ZNF536: variants seen among roughly 807,000 people sequenced by gnomAD.
The protein encoded by ZNF536 is zinc finger protein 536.
In ZNF536, 13 loss-of-function variants were observed where a neutral mutation model predicts 84.5. That is an observed-to-expected ratio of 0.15 (90% CI 0.10 to 0.24). ZNF536 has a LOEUF of 0.24. ZNF536 is among the 10% of genes least tolerant of loss of function. ZNF536 has a pLI of 1.00. For missense variants in ZNF536, 1,536 were observed against 1,747.5 expected, an observed-to-expected ratio of 0.88 and a Z score of 2.16; for synonymous variants, 811 against 742.5, an observed-to-expected ratio of 1.09 and a Z score of -1.50.
chr19:30,509,730 T>C (rs1599636115), intron 2 of ZNF536, among the ~76,000 whole-genome samples: 2 of 152,290 alleles, frequency 1.3e-5, no homozygotes, highest in Non-Finnish European at 2.9e-5. Context: ...CCACAATCAG[T>C]ACACTTTTCT....
intron 1 of ZNF536, among the ~76,000 whole-genome samples, chr19:30,610,405 C>A (rs2048063720): frequency 6.6e-6 from 1 of 152,098 alleles, no homozygotes; most frequent in Non-Finnish European, 1.5e-5. Flanking sequence ...TACTTCAGAT[C>A]CCCCTTGGTG....
chr19:30,485,841 T>C (rs1477198519), intron 2 of ZNF536, among the ~76,000 whole-genome samples: 2 of 152,230 alleles, frequency 1.3e-5, no homozygotes. Context: ...GTTTTTTTCT[T>C]AATTTGGGAT....
chr19:30,290,333 A>G (rs535698470), intron 2 of ZNF536, among the ~76,000 whole-genome samples: 24 of 152,268 alleles, frequency 1.6e-4, no homozygotes, highest in Admixed American at 1.4e-3. Context: ...GCTGGAGTGC[A>G]GTGGCATGAT....
At chr19:30,648,643 C>T (rs957148505) in intron 1 of ZNF536, among the ~76,000 whole-genome samples, 1 of 152,200 alleles carries the variant, frequency 6.6e-6, no homozygotes, top group Non-Finnish European at 1.5e-5. Context: ...AGGCAAGCAG[C>T]CTGTGCTGTT....
At chr19:30,582,527 A>T (rs964574254) in intron 1 of ZNF536, among the ~76,000 whole-genome samples, 3 of 151,868 alleles carry the variant, frequency 2.0e-5, no homozygotes, top group African/African-American at 7.3e-5. Context: ...AGTACCTGGG[A>T]CTACAGGTGC....
chr19:30,527,219 C>CTTTT (rs56404227), intron 2 of ZNF536, among the ~76,000 whole-genome samples: 1,120 of 106,064 alleles, frequency 0.011, 32 homozygotes, highest in South Asian at 0.023. Context: ...ACCCAGCCTC[C>CTTTT]TTTTTTTTTT....
At position 30,359,609 on chromosome 19, in the gene ZNF536, G is replaced by T. The variant is rs539673343; in HGVS notation, c.-3+7125G>T. On this transcript the variant is annotated intron_variant, in intron 3 of 5. Transcript: ENST00000585628. ...TGTCTCCCCGGCACCTGAGTTACAG[G>T]GTGCCCACCCATCCTATCAATGTCG... Among the ~76,000 whole-genome samples the T allele has an allele frequency of 3.6e-3, 555 of 152,238 alleles. 5 individuals carry two copies. The highest frequency in any genetic ancestry group is 0.01 in the Middle Eastern group (3 of 294).
intron 2 of ZNF536, among the ~76,000 whole-genome samples, chr19:30,455,523 G>A (rs141077063): frequency 0.013 from 2,040 of 152,046 alleles, 16 homozygotes; most frequent in African/African-American, 0.017. Context: ...GCAATATAGC[G>A]AAACCCTGTC....
chr19:30,422,573 C>T (rs746958030), intron 1 of ZNF536, among the ~76,000 whole-genome samples: 11 of 152,104 alleles, frequency 7.2e-5, no homozygotes, highest in Non-Finnish European at 1.5e-4. Flanking sequence ...AGGTCTTGAC[C>T]CTCTTCCTTT....
intron 2 of ZNF536, among the ~76,000 whole-genome samples, chr19:30,305,038 G>A (rs1024396924): frequency 6.6e-6 from 1 of 152,232 alleles, no homozygotes; most frequent in African/African-American, 2.4e-5. Flanking sequence ...GCCCAAGGGA[G>A]TAGCCCAGAG....
intron 2 of ZNF536, among the ~76,000 whole-genome samples, chr19:30,489,022 T>C (rs566514160): frequency 2.2e-4 from 33 of 152,276 alleles, no homozygotes; most frequent in African/African-American, 7.9e-4. Flanking sequence ...CGTTATATAC[T>C]GGCCTGCCCA....
intron 2 of ZNF536, among the ~76,000 whole-genome samples, chr19:30,328,910 CA>C (rs1345233475): frequency 6.6e-6 from 1 of 152,220 alleles, no homozygotes; most frequent in Non-Finnish European, 1.5e-5. Context: ...TTCTCTCTCT[CA>C]CTTTTCTACT....
intron 4 of ZNF536, among the ~76,000 whole-genome samples, chr19:30,553,487 G>A (rs2045856228): frequency 6.6e-6 from 1 of 152,240 alleles, no homozygotes; most frequent in Non-Finnish European, 1.5e-5. Context: ...GTTGTTGTGT[G>A]CCAGGTCTCC....
Position 30,277,731 on chromosome 19 carries a change from C to T in ZNF536, c.-189-6341C>T, listed in dbSNP as rs141849578. On this transcript the variant is annotated intron_variant, in intron 1 of 5. Transcript: ENST00000585628. ...TGCGGAGGCCTGATGGCAGCGTGTC[C>T]GTTGTGGGACCCTGTGGAGTGGGCT... Among the ~76,000 whole-genome samples, 988 of 152,286 alleles carry T rather than the reference C, an allele frequency of 6.5e-3. 12 individuals carry two copies. Among genetic ancestry groups the T allele is most frequent in the African/African-American group, 0.023 (947 of 41,568 alleles).
At chr19:30,423,782 G>A (rs2147881888) in intron 1 of ZNF536, among the ~76,000 whole-genome samples, 1 of 152,076 alleles carries the variant, frequency 6.6e-6, no homozygotes, top group East Asian at 1.9e-4. Context: ...GGCTGGCAGT[G>A]ACAGCAGCTG....
At chr19:30,391,705 AAG>A (rs3974336) in intron 1 of ZNF536, among the ~76,000 whole-genome samples, 55,538 of 151,986 alleles carry the variant, frequency 0.37, 10,483 homozygotes, top group Middle Eastern at 0.54. Flanking sequence ...GACCAAGAGA[AAG>A]AGAGAAAAAG....
intron 3 of ZNF536, among the ~76,000 whole-genome samples, chr19:30,541,989 T>C (rs188947750): frequency 4.2e-4 from 64 of 152,298 alleles, no homozygotes; most frequent in Non-Finnish European, 8.8e-4. Flanking sequence ...TCTCCTGGTG[T>C]TAACTAAGTG....
rs1028706517 is a variant in ZNF536, at chr19:30,265,660, A to G, written c.-189-18412A>G. On this transcript the variant is annotated intron_variant, in intron 1 of 5. Coordinates refer to the ZNF536 transcript ENST00000585628. The stretch of plus-strand genomic sequence containing the variant: ...AGAGGAAAGGATAGCGAGGGGAGAC[A>G]GGCTAGGACTAGGCAGGATAGTGGA... 3.9e-5 allele frequency among the ~76,000 whole-genome samples: 6 copies of G among 152,270 alleles called. No individual in the cohort carries two copies. In the South Asian group the frequency reaches 1.2e-3, roughly 32 times the overall value.
intron 2 of ZNF536, among the ~76,000 whole-genome samples, chr19:30,527,357 T>C (rs535090512): frequency 5.5e-4 from 83 of 151,034 alleles, no homozygotes; most frequent in Non-Finnish European, 1.0e-3. Flanking sequence ...GGGTGAGACA[T>C]GGCAACATGG....
Sources: gnomAD v4.1 joint callset for allele counts (sites outside exome capture counted in the v4.1 genomes callset) on GRCh38, gnomAD v4.1.1 for gene constraint, MANE v1.5 for transcripts, NCBI Gene and HGNC (gene_info 2026-07-23, HGNC 2026-07-21) for gene names.